Variants in ADH1C observed in about 807,000 individuals in gnomAD.
ADH1C encodes alcohol dehydrogenase 1C.
ADH1C carries 26 observed loss-of-function variants against 35.0 expected under a neutral mutation model. The ratio of observed to expected loss-of-function variants is 0.74; its 90% CI spans 0.54 to 1.03. ADH1C has a LOEUF of 1.03. ADH1C is among the 50% of genes least tolerant of loss of function. The probability of loss-of-function intolerance (pLI) is 0.00; values close to 1 mark genes in which losing one functional copy is unlikely to be tolerated. For synonymous variants in ADH1C, 170 were observed against 169.3 expected (o/e 1.00, Z -0.03); for missense variants, 413 against 465.4 (o/e 0.89, Z 1.04).
At chr4:99,340,351 T>A (rs1481700651) in intron 7 of ADH1C, among the ~76,000 whole-genome samples, 1 of 152,076 alleles carries the variant, frequency 6.6e-6, no homozygotes, top group Non-Finnish European at 1.5e-5. Context: ...GAGGTGGAGG[T>A]TGCAGTGAGT....
At position 99,345,687 on chromosome 4, in the gene ADH1C, A is replaced by T. The variant is rs76967938; in HGVS notation, c.260-421T>A. On this transcript the variant is annotated intron_variant, in intron 3 of 8. Coordinates refer to ENST00000515683, the MANE Select transcript of ADH1C (RefSeq NM_000669.5). Reference sequence around the variant, plus strand: ...TTTAGTCCTAGTAGATGTTGGGAAGATCTGGTATTTTGTAAGAATTTGATT... The same window carrying T: ...TTTAGTCCTAGTAGATGTTGGGAAGTTCTGGTATTTTGTAAGAATTTGATT... Among the ~76,000 whole-genome samples the T allele has an allele frequency of 1.6e-4, 24 of 152,334 alleles. No individual in the cohort carries two copies. In the East Asian group the frequency reaches 4.4e-3, roughly 28 times the overall value.
chr4:99,345,520 T>C (rs1156901155), intron 3 of ADH1C, among the ~76,000 whole-genome samples: 1 of 152,202 alleles, frequency 6.6e-6, no homozygotes, highest in Non-Finnish European at 1.5e-5. Flanking sequence ...TTCCATCAAC[T>C]GTGTTAATAA....
intron 8 of ADH1C, among the ~76,000 whole-genome samples, 197 bp downstream of exon 8, chr4:99,339,380 C>T (rs1460988947): frequency 6.6e-6 from 1 of 152,078 alleles, no homozygotes; most frequent in East Asian, 1.9e-4. Flanking sequence ...ATAGGAAATG[C>T]AAAGCAACTG....
At chr4:99,342,205 T>C (rs1485582766) in intron 6 of ADH1C, among the ~76,000 whole-genome samples, 2 of 152,150 alleles carry the variant, frequency 1.3e-5, no homozygotes, top group Non-Finnish European at 1.5e-5. Context: ...TTGACTTTAT[T>C]TAAAGCATTC....
In ADH1C at chr4:99,345,190, G is replaced by T; in HGVS notation, c.336C>A (p.Cys112Ter). 6.2e-7 allele frequency: 1 copy of T among 1,613,974 alleles called. No homozygotes were observed. The highest frequency in any genetic ancestry group is 8.5e-7 in the Non-Finnish European group (1 of 1,179,890). The change falls in exon 4 of 9, where the codon TGC becomes TGA. Residue 112 changes from cysteine to a stop codon, truncating the protein, a stop_gained. Coordinates refer to ENST00000515683, the MANE Select transcript of ADH1C (RefSeq NM_000669.5). LOFTEE classifies it high-confidence loss of function. The part of the protein sequence containing the change: ...RICKNPESNY[C>*]LKNDLGNPRG... ...CATCAGAAACTTACTCATTTTTCAA[G>T]CAGTAGTTGCTTTCTGGGTTTTTAC...
intron 1 of ADH1C, 34 bp from the exon 2 acceptor site, chr4:99,347,880 T>C (rs775130411): frequency 8.1e-6 from 13 of 1,610,440 alleles, no homozygotes; most frequent in Non-Finnish European, 1.1e-5. Flanking sequence ...GTACCAGTGT[T>C]TTCCCACGCT....
chr4:99,346,646 TTTTTGGGCAC>T (rs1223137381), intron 3 of ADH1C, among the ~76,000 whole-genome samples: 3 of 152,098 alleles, frequency 2.0e-5, no homozygotes, highest in African/African-American at 7.2e-5. Context: ...CATTTATAGT[TTTTTGGGCAC>T]TTACAGAAGA....
At chr4:99,338,432 T>C (rs1213109047) in intron 8 of ADH1C, among the ~76,000 whole-genome samples, 3 of 63,680 alleles carry the variant, frequency 4.7e-5, no homozygotes, top group African/African-American at 1.2e-4. Flanking sequence ...TATATATATA[T>C]ATATATATAT....
chr4:99,343,522 T>G (rs1379694496), intron 5 of ADH1C, among the ~76,000 whole-genome samples: 1 of 152,146 alleles, frequency 6.6e-6, no homozygotes, highest in Non-Finnish European at 1.5e-5. Flanking sequence ...ATAAAATAAG[T>G]GGAAAAGGCT....
chr4:99,343,484 A>G (rs1375469182), intron 5 of ADH1C, among the ~76,000 whole-genome samples: 1 of 152,216 alleles, frequency 6.6e-6, no homozygotes, highest in East Asian at 1.9e-4. Context: ...TCAGTATCTC[A>G]TACATACACC....
At chr4:99,351,942 CTAA>C (rs1263796434) in intron 1 of ADH1C, among the ~76,000 whole-genome samples, 17 of 152,070 alleles carry the variant, frequency 1.1e-4, no homozygotes, top group Non-Finnish European at 2.2e-4. Context: ...GTTCTGAGTG[CTAA>C]TAAGTGATTC....
rs745985536 is a variant in ADH1C at position 99,352,413 on chromosome 4, T to A, written c.18+245A>T. On this transcript the variant is annotated intron_variant, in intron 1 of 8. Coordinates refer to ENST00000515683, the MANE Select transcript of ADH1C (RefSeq NM_000669.5). ...AGACAATAGATACAGATTCTATATA[T>A]TCTTTTTGAAGGTATTTAGGAATAG... 7.4e-4 allele frequency among the ~76,000 whole-genome samples: 113 copies of A among 152,182 alleles called. 1 individual carries two copies. The highest frequency in any genetic ancestry group is 6.5e-4 in the Admixed American group (10 of 15,274).
chr4:99,343,508 GAAAAT>G (rs1004792772), intron 5 of ADH1C, among the ~76,000 whole-genome samples: 10 of 152,236 alleles, frequency 6.6e-5, no homozygotes, highest in African/African-American at 2.2e-4. Context: ...GCAATATTCG[GAAAAT>G]AAAATAAGTG....
rs1734285969 is a variant in ADH1C at position 99,336,748 on chromosome 4, T to G, written c.*4A>C. The stretch of plus-strand genomic sequence containing the variant: ...CTGCTACAAGGGAAGGCATCTGTAT[T>G]GTTTCAAAACGTCAGGACGGTACGG... On this transcript the variant is annotated 3_prime_UTR_variant, in exon 9 of 9. Transcript: ENST00000515683. 1 of 1,613,618 alleles carries G rather than the reference T, an allele frequency of 6.2e-7. No homozygotes were observed. The highest frequency in any genetic ancestry group is 8.5e-7 in the Non-Finnish European group (1 of 1,179,754).
At chr4:99,344,753 G>T in intron 5 of ADH1C, 109 bp downstream of exon 5, 1 of 1,399,140 alleles carries the variant, frequency 7.1e-7, no homozygotes, top group South Asian at 1.3e-5. Context: ...ACTCTTAATC[G>T]ACACTTCAAA....
chr4:99,346,248 C>A (rs1189170336), intron 3 of ADH1C, among the ~76,000 whole-genome samples: 2 of 151,812 alleles, frequency 1.3e-5, no homozygotes, highest in African/African-American at 4.8e-5. Context: ...CATATGAAAA[C>A]GATGGTATGG....
rs1560538063 is a variant in ADH1C, at chr4:99,345,205, T to C, written c.321A>G (p.Pro107=). The C allele has an allele frequency of 1.2e-6, 2 of 1,614,084 alleles. No homozygotes were observed. Among genetic ancestry groups the C allele is most frequent in the East Asian group, 2.2e-5 (1 of 44,890 alleles). ...CATTTTTCAAGCAGTAGTTGCTTTC[T>C]GGGTTTTTACAAATTCTGCATTTTC... ...QCGKCRICKN[P]ESNYCLKNDL... The change falls in exon 4 of 9, where the codon CCA becomes CCG. Residue 107 remains proline (P), a synonymous_variant. Transcript: ENST00000515683.
chr4:99,342,394 A>G (rs1387776713), intron 6 of ADH1C, among the ~76,000 whole-genome samples: 2 of 152,190 alleles, frequency 1.3e-5, no homozygotes, highest in Non-Finnish European at 1.5e-5. Context: ...AAAAGTTTGG[A>G]ATTCGTTAAG....
chr4:99,343,403 T>C (rs1024566657), intron 5 of ADH1C, among the ~76,000 whole-genome samples: 3 of 152,198 alleles, frequency 2.0e-5, no homozygotes, highest in Non-Finnish European at 4.4e-5. Context: ...TGGATGATCT[T>C]TGAGATCCAG....
Sources: gnomAD v4.1 joint callset for allele counts (sites outside exome capture counted in the v4.1 genomes callset) on GRCh38, gnomAD v4.1.1 for gene constraint, MANE v1.5 for transcripts, NCBI Gene and HGNC (gene_info 2026-07-23, HGNC 2026-07-21) for gene names.